Variants in NUP188 observed in about 807,000 individuals in gnomAD.
NUP188 encodes nucleoporin NUP188.
Under a neutral mutation model 223.0 loss-of-function variants are expected in NUP188, and 97 were observed. The ratio of observed to expected loss-of-function variants is 0.43; its 90% CI spans 0.37 to 0.51. The LOEUF (loss-of-function observed/expected upper bound fraction) is 0.51. NUP188 is among the 20% of genes least tolerant of loss of function. The probability of loss-of-function intolerance (pLI) is 0.00; values close to 1 mark genes in which losing one functional copy is unlikely to be tolerated. For missense variants in NUP188, 1,947 were observed against 2,175.6 expected (o/e 0.89, Z 2.09); for synonymous variants, 869 against 828.0 (o/e 1.05, Z -0.85).
In NUP188 at chr9:129,005,508, TC is replaced by T; in HGVS notation, c.4716del (p.Cys1573AlafsTer20). 1 of 1,606,670 alleles carries T rather than the reference TC, an allele frequency of 6.2e-7. No homozygotes were observed. The highest frequency in any genetic ancestry group is 8.5e-7 in the Non-Finnish European group (1 of 1,179,966). ...GCCCTGCGCCACTTCACCCCAGATG[TC>T]TGCCAGATTCTGCTGGATCAGGTAC... ...LAALRHFTPD[V>X]CQILLDQSLD... is the part of the protein sequence containing the mutation. On this transcript the variant is annotated frameshift_variant, in exon 40 of 44. Coordinates refer to ENST00000372577, the MANE Select transcript of NUP188 (RefSeq NM_015354.3). LOFTEE classifies it high-confidence loss of function.
chr9:128,977,271 C>T (rs904265660), intron 12 of NUP188, among the ~76,000 whole-genome samples: 2 of 151,852 alleles, frequency 1.3e-5, no homozygotes, highest in East Asian at 2.0e-4. Flanking sequence ...AGGCGCCCGC[C>T]GCCATACCCA....
intron 32 of NUP188, among the ~76,000 whole-genome samples, 167 bp from the exon 33 acceptor site, chr9:128,999,005 C>T (rs1020464592): frequency 2.6e-5 from 4 of 151,932 alleles, no homozygotes; most frequent in East Asian, 1.9e-4. Context: ...TACGGGTGCG[C>T]GCTACCATGC....
At chr9:128,985,481 C>T (rs1842320429) in intron 20 of NUP188, among the ~76,000 whole-genome samples, 1 of 152,162 alleles carries the variant, frequency 6.6e-6, no homozygotes, top group African/African-American at 2.4e-5. Context: ...ATCTCATAAT[C>T]TACTAATGGG....
In NUP188 at chr9:128,977,229, C is replaced by T. The variant is rs560215655; in HGVS notation, c.1204-2033C>T. The stretch of plus-strand genomic sequence containing the variant: ...CCGCCTCCCGTGTTCACGCCATTCT[C>T]CTGCCTCAGCCTCCCCAGCAGCAGG... On this transcript the variant is annotated intron_variant, in intron 12 of 43. Transcript: ENST00000372577. 4.7e-4 allele frequency among the ~76,000 whole-genome samples: 72 copies of T among 151,658 alleles called. 1 individual carries two copies. Among genetic ancestry groups the T allele is most frequent in the African/African-American group, 1.6e-3 (66 of 41,370 alleles).
At chr9:128,961,940 CTTT>C (rs538615257) in intron 8 of NUP188, among the ~76,000 whole-genome samples, 2 of 106,716 alleles carry the variant, frequency 1.9e-5, no homozygotes, top group Non-Finnish European at 2.0e-5. Flanking sequence ...ATACCATACT[CTTT>C]TTTTTTTTTT....
intron 23 of NUP188, among the ~76,000 whole-genome samples, 162 bp from the exon 24 acceptor site, chr9:128,987,885 A>G (rs890223362): frequency 2.0e-5 from 3 of 152,230 alleles, no homozygotes; most frequent in Non-Finnish European, 4.4e-5. Flanking sequence ...GCGTATAGCA[A>G]AGGGAGTTGA....
rs772651718 is a variant in NUP188 at position 128,970,839 on chromosome 9, A to G, written c.994A>G (p.Thr332Ala). The change falls in exon 11 of 44, where the codon ACT becomes GCT. Residue 332 changes from threonine to alanine, a missense_variant. This residue lies in a region of NUP188 where 817 missense variants were observed against 865.8 expected (regional missense o/e 0.94). Coordinates refer to ENST00000372577, the MANE Select transcript of NUP188 (RefSeq NM_015354.3). ...TTTGGCCTGGGCTCTCCTCCGTCAC[A>G]CTCTGAACCCAGAAGAGACAAGCAG... ...VLLAWALLRH[T>A]LNPEETSSVV... 3 of 1,614,108 alleles carry G rather than the reference A, an allele frequency of 1.9e-6. No homozygotes were observed. Among genetic ancestry groups the G allele is most frequent in the Non-Finnish European group, 2.5e-6 (3 of 1,180,020 alleles).
intron 34 of NUP188, among the ~76,000 whole-genome samples, chr9:129,000,560 C>T (rs1011223120): frequency 1.3e-5 from 2 of 151,824 alleles, no homozygotes; most frequent in African/African-American, 2.4e-5. Context: ...CCTCGTAATC[C>T]GCCCGCCTTG....
intron 8 of NUP188, among the ~76,000 whole-genome samples, chr9:128,961,320 A>G (rs1841947637): frequency 1.3e-5 from 2 of 149,190 alleles, no homozygotes; most frequent in Non-Finnish European, 3.0e-5. Context: ...ACAGAGCAAG[A>G]CTCTGTCTCA....
chr9:128,959,011 A>G lies in NUP188; in HGVS notation c.466-4A>G. 2.0e-6 allele frequency: 3 copies of G among 1,537,864 alleles called. No individual in the cohort carries two copies. The highest frequency in any genetic ancestry group is 1.3e-5 in the South Asian group (1 of 79,050). ...GTATAATTTACTCTTTTGATTTTTT[A>G]AAGGTTGAATATGCAGACTGTGTTG... On this transcript the variant is annotated splice_region_variant and splice_polypyrimidine_tract_variant and intron_variant, in intron 7 of 43. Transcript: ENST00000372577.
intron 30 of NUP188, 137 bp from the exon 31 acceptor site, chr9:128,998,014 C>A: frequency 1.4e-6 from 1 of 692,682 alleles, no homozygotes; most frequent in South Asian, 1.6e-5. Context: ...CCACCACGCC[C>A]GGCCTATATA....
At position 128,993,612 on chromosome 9, in the gene NUP188, C is replaced by T. The variant is rs17485583; in HGVS notation, c.2935C>T (p.Leu979=). ...GCAAGATCGATACTGGTGCCCACCC[C>T]TGCTGCATCGTGCCGCCATTGCCTT... The part of the protein sequence containing the change: ...QQQDRYWCPP[L]LHRAAIAFLH... Residue 979 remains leucine, a synonymous_variant, in exon 27 of 44, where the codon CTG becomes TTG. Transcript: ENST00000372577. 9,603 of 1,614,184 alleles carry T rather than the reference C, an allele frequency of 5.9e-3. 458 individuals carry two copies. In the African/African-American group the frequency reaches 0.11, roughly 18 times the overall value.
intron 16 of NUP188, 89 bp from the exon 17 acceptor site, chr9:128,982,813 G>T: frequency 6.3e-7 from 1 of 1,590,810 alleles, no homozygotes; most frequent in Non-Finnish European, 8.6e-7. Context: ...ATTGTGATTT[G>T]TCTGATTTGT....
chr9:128,990,068 G>C (rs1842393153), intron 24 of NUP188, 52 bp from the exon 25 acceptor site: 3 of 1,356,030 alleles, frequency 2.2e-6, no homozygotes, highest in Non-Finnish European at 3.2e-6. Context: ...AGTGCTCTAA[G>C]GACTTGAATT....
At chr9:128,961,622 A>AT (rs1554828110) in intron 8 of NUP188, among the ~76,000 whole-genome samples, 38,891 of 133,566 alleles carry the variant, frequency 0.29, 6,907 homozygotes, top group Admixed American at 0.38. Context: ...AGATAGATAG[A>AT]TTTTTTTTTT....
At chr9:128,953,835 CTT>C (rs1009464640) in intron 3 of NUP188, among the ~76,000 whole-genome samples, 7 of 143,768 alleles carry the variant, frequency 4.9e-5, no homozygotes, top group Non-Finnish European at 3.1e-5. Context: ...AGTGTCTGTT[CTT>C]TTTTTTTTTT....
chr9:129,004,990 A>AGGAGGGAGAGAAGGGGAGCATGAGGGAT, intron 38 of NUP188, 157 bp from the exon 39 acceptor site: 1 of 659,216 alleles, frequency 1.5e-6, no homozygotes, highest in Non-Finnish European at 2.7e-6. Context: ...GCATGAGGGA[A>AGGAGGGAGAGAAGGGGAGCATGAGGGAT]GGAGGGAGAG....
At chr9:128,977,895 A>G (rs1448452468) in intron 12 of NUP188, among the ~76,000 whole-genome samples, 5 of 152,200 alleles carry the variant, frequency 3.3e-5, no homozygotes, top group Non-Finnish European at 5.9e-5. Context: ...TTTACAGTCT[A>G]CTTCCTCATA....
intron 8 of NUP188, among the ~76,000 whole-genome samples, chr9:128,967,472 T>C (rs1842046163): frequency 6.6e-6 from 1 of 152,028 alleles, no homozygotes. Context: ...CCTGGCAACA[T>C]AGCAAGACCT....
Sources: gnomAD v4.1 joint callset for allele counts (sites outside exome capture counted in the v4.1 genomes callset) on GRCh38, gnomAD v4.1.1 for gene constraint, gnomAD v4.1.1 regional missense constraint, MANE v1.5 for transcripts, NCBI Gene and HGNC (gene_info 2026-07-23, HGNC 2026-07-21) for gene names.